The following NDST4 variants were observed in gnomAD, a reference collection of about 807,000 sequenced individuals.
NDST4 encodes the protein N-heparan sulfate sulfotransferase 4.
Under a neutral mutation model 100.8 loss-of-function variants are expected in NDST4, and 63 were observed. The observed-to-expected ratio is 0.62, with a 90% CI of 0.51 to 0.77. NDST4 has a LOEUF of 0.77. Among genes scored for constraint, NDST4 ranks in the 30% least tolerant of loss-of-function variants. NDST4 has a pLI of 0.00. For synonymous variants in NDST4, 377 were observed against 361.8 expected (o/e 1.04, Z -0.48); for missense variants, 943 against 1,018.4 (o/e 0.93, Z 1.01).
chr4:114,862,594 T>A (rs1206721420), intron 7 of NDST4, among the ~76,000 whole-genome samples: 1 of 152,186 alleles, frequency 6.6e-6, no homozygotes, highest in Non-Finnish European at 1.5e-5. Context: ...TGGTTCTGTA[T>A]GTTCAACTCG....
intron 2 of NDST4, among the ~76,000 whole-genome samples, chr4:115,013,370 T>TATATATATATATATAC (rs74678897): frequency 0.075 from 5,296 of 70,806 alleles, 477 homozygotes; most frequent in Non-Finnish European, 0.11. Context: ...TATATATATA[T>TATATATATATATATAC]ACACACACAT....
intron 2 of NDST4, among the ~76,000 whole-genome samples, chr4:115,050,544 C>T (rs1728561853): frequency 6.6e-6 from 1 of 152,114 alleles, no homozygotes. Flanking sequence ...AAACTTCTAG[C>T]TATGCTCCAC....
At chr4:114,965,367 C>T (rs973774191) in intron 4 of NDST4, among the ~76,000 whole-genome samples, 2 of 151,962 alleles carry the variant, frequency 1.3e-5, no homozygotes, top group Non-Finnish European at 2.9e-5. Flanking sequence ...CCTATTATGA[C>T]ACTTAAGGAT....
intron 2 of NDST4, among the ~76,000 whole-genome samples, chr4:114,982,961 G>A (rs1726812780): frequency 6.6e-6 from 1 of 152,224 alleles, no homozygotes; most frequent in African/African-American, 2.4e-5. Flanking sequence ...TGTGGCTTCA[G>A]AGGGTGCAAG....
At chr4:114,980,950 C>T (rs1726755619) in intron 2 of NDST4, among the ~76,000 whole-genome samples, 1 of 151,926 alleles carries the variant, frequency 6.6e-6, no homozygotes, top group South Asian at 2.1e-4. Flanking sequence ...TGGTGGCTCA[C>T]GCCTATATTA....
chr4:115,111,415 T>C (rs1729949637), intron 1 of NDST4, among the ~76,000 whole-genome samples: 4 of 151,774 alleles, frequency 2.6e-5, no homozygotes, highest in Admixed American at 2.6e-4. Context: ...TTATCAATTA[T>C]AGAAATTCCA....
At chr4:115,071,635 G>GA (rs1447079464) in intron 2 of NDST4, among the ~76,000 whole-genome samples, 1 of 151,666 alleles carries the variant, frequency 6.6e-6, no homozygotes, top group Non-Finnish European at 1.5e-5. Flanking sequence ...GAGTAATATA[G>GA]AAAATTGTCG....
At chr4:114,848,776 T>G (rs953850036) in intron 8 of NDST4, among the ~76,000 whole-genome samples, 3 of 152,186 alleles carry the variant, frequency 2.0e-5, no homozygotes, top group African/African-American at 7.2e-5. Context: ...TAACAGAGGT[T>G]GATGTGCTAC....
At chr4:114,924,519 T>C (rs1332332821) in intron 6 of NDST4, among the ~76,000 whole-genome samples, 1 of 151,874 alleles carries the variant, frequency 6.6e-6, no homozygotes, top group Non-Finnish European at 1.5e-5. Context: ...ACAATCTATA[T>C]ACTCCACAGG....
intron 7 of NDST4, 54 bp downstream of exon 7, chr4:114,870,714 T>A (rs1285338559): frequency 8.1e-6 from 12 of 1,478,866 alleles, no homozygotes; most frequent in Non-Finnish European, 1.0e-5. Flanking sequence ...AATTATACAC[T>A]CACAAATTGC....
chr4:115,112,479 C>T (rs1252476603), intron 1 of NDST4, among the ~76,000 whole-genome samples: 1 of 151,688 alleles, frequency 6.6e-6, no homozygotes, highest in African/African-American at 2.4e-5. Flanking sequence ...CGAAAACAAG[C>T]AAAGGTGAGT....
chr4:114,986,369 G>T (rs887105036), intron 2 of NDST4, among the ~76,000 whole-genome samples: 4 of 152,086 alleles, frequency 2.6e-5, no homozygotes, highest in African/African-American at 9.7e-5. Context: ...CCTAAACGTT[G>T]TTACTGGAGG....
chr4:115,017,151 T>G (rs1421423908), intron 2 of NDST4, among the ~76,000 whole-genome samples: 1 of 150,986 alleles, frequency 6.6e-6, no homozygotes, highest in Admixed American at 6.6e-5. Context: ...ACTAAGTCAT[T>G]CAAACAGAAT....
chr4:115,028,242 C>T (rs540967588), intron 2 of NDST4, among the ~76,000 whole-genome samples: 1 of 152,152 alleles, frequency 6.6e-6, no homozygotes, highest in South Asian at 2.1e-4. Context: ...TCTTAGGATT[C>T]TTACCACGAA....
intron 2 of NDST4, among the ~76,000 whole-genome samples, chr4:114,987,668 A>C (rs1375328691): frequency 6.6e-6 from 1 of 152,228 alleles, no homozygotes. Context: ...AATGTTTAGG[A>C]AACACACTGT....
intron 4 of NDST4, among the ~76,000 whole-genome samples, chr4:114,958,406 C>A (rs1303824340): frequency 6.6e-6 from 1 of 152,116 alleles, no homozygotes; most frequent in Non-Finnish European, 1.5e-5. Flanking sequence ...GACCCCCAGT[C>A]TCTTTCTAAA....
chr4:114,830,851 G>A (rs1723181229), intron 12 of NDST4, among the ~76,000 whole-genome samples: 1 of 152,134 alleles, frequency 6.6e-6, no homozygotes, highest in African/African-American at 2.4e-5. Flanking sequence ...CTATAATACT[G>A]GTGCACCTGC....
At chr4:114,895,913 T>A (rs1245053800) in intron 6 of NDST4, among the ~76,000 whole-genome samples, 2 of 152,232 alleles carry the variant, frequency 1.3e-5, no homozygotes, top group East Asian at 1.9e-4. Context: ...ATGTAACCCA[T>A]CACATAAATA....
chr4:114,965,076 T>A (rs1377064800), intron 4 of NDST4, among the ~76,000 whole-genome samples: 1 of 152,126 alleles, frequency 6.6e-6, no homozygotes, highest in Non-Finnish European at 1.5e-5. Context: ...TCATTGTGAA[T>A]TTTTGTTGCA....
Sources: gnomAD v4.1 joint callset for allele counts (sites outside exome capture counted in the v4.1 genomes callset) on GRCh38, gnomAD v4.1.1 for gene constraint, MANE v1.5 for transcripts, NCBI Gene and HGNC (gene_info 2026-07-23, HGNC 2026-07-21) for gene names.